Variants in OPLAH observed in about 807,000 individuals in gnomAD.
OPLAH encodes the protein 5-oxoprolinase, ATP-hydrolysing, also known as 5-oxoprolinase.
OPLAH carries 103 observed loss-of-function variants against 122.8 expected under a neutral mutation model. The ratio of observed to expected loss-of-function variants is 0.84; its 90% CI spans 0.71 to 0.99. The LOEUF (loss-of-function observed/expected upper bound fraction) is 0.99, where lower values mean the gene tolerates loss of function less well. Ranked by LOEUF, OPLAH falls within the 50% of genes least tolerant of loss-of-function variation. OPLAH has a pLI of 0.00. For synonymous variants in OPLAH, 875 were observed against 796.0 expected, an observed-to-expected ratio of 1.10 and a Z score of -1.67; for missense variants, 1,902 against 1,836.5, an observed-to-expected ratio of 1.04 and a Z score of -0.65.
chr8:144,053,096 G>A lies in OPLAH; in HGVS notation c.2905C>T (p.Arg969Cys), dbSNP rs201664395. ...GCCTGCCGGGAGGTTCCAAAGGCAC[G>A]CAACATGTCTCGCACGGCCAGCTCA... ...NAELAVRDML[R>C]AFGTSRQARG... Residue 969 changes from arginine (R) to cysteine (C), a missense_variant, in exon 21 of 27, where the codon CGT (arginine) becomes TGT (cysteine). Transcript: ENST00000618853. The A allele has an allele frequency of 1.8e-3, 2,851 of 1,606,318 alleles. 3 individuals carry two copies. The highest frequency in any genetic ancestry group is 2.3e-3 in the Non-Finnish European group (2,690 of 1,177,052).
chr8:144,058,599 C>G lies in OPLAH; in HGVS notation c.680G>C (p.Arg227Pro), dbSNP rs1466686559. 2 of 1,603,028 alleles carry G rather than the reference C, an allele frequency of 1.2e-6. No individual in the cohort carries two copies. The highest frequency in any genetic ancestry group is 2.7e-5 in the African/African-American group (2 of 74,918). Residue 227 changes from arginine to proline, a missense_variant, in exon 6 of 27, where the codon CGC becomes CCC. Physicochemically the swap from Arg to Pro is moderately radical, Grantham distance 103 (BLOSUM62 -2). Transcript: ENST00000618853. The stretch of plus-strand genomic sequence containing the variant: ...GGCCGTGTGCCCCCGAGGGACGATG[C>G]GCACCATGGGCATGGCCTCCGAGGA... ...SLSSEAMPMV[R>P]IVPRGHTACA...
In OPLAH at chr8:144,058,080, C is replaced by T. The variant is rs55916375; in HGVS notation, c.1018G>A (p.Val340Ile). The change falls in exon 8 of 27, where the codon GTC becomes ATC. Residue 340 changes from valine (V) to isoleucine (I), a missense_variant. This residue lies in a region of OPLAH where 1,726 missense variants were observed against 1,642.1 expected (regional missense o/e 1.05). Coordinates refer to ENST00000618853, the MANE Select transcript of OPLAH (RefSeq NM_017570.5). ...EHVFEASTAG[V>I]TLQAPQLDIN... is the part of the protein sequence containing the mutation. ...TCCAGCTGCGGGGCCTGGAGGGTGA[C>T]GCCAGCTGTGCTGGCCTCGAAGACG... 105,745 of 1,612,464 alleles carry T rather than the reference C, an allele frequency of 0.066. 3,801 individuals carry two copies. Among genetic ancestry groups the T allele is most frequent in the Middle Eastern group, 0.087 (528 of 6,062 alleles).
Position 144,057,539 on chromosome 8 carries a change from G to A in OPLAH, c.1331C>T (p.Pro444Leu), listed in dbSNP as rs781841448. Reference protein sequence around the residue: ...VNSFLTNGPCPASPLSLEEVA... With the variant: ...VNSFLTNGPCLASPLSLEEVA... ...CTCCTCCAGGCTCAGCGGGGAGGCC[G>A]GGCAGGGCCCGTTGGTCAGGAAGCT... The change falls in exon 10 of 27, where the codon CCG (proline) becomes CTG (leucine). Residue 444 changes from proline to leucine, a missense_variant. This residue lies in a region of OPLAH where 1,726 missense variants were observed against 1,642.1 expected (regional missense o/e 1.05). Transcript: ENST00000618853. 1.9e-5 allele frequency: 31 copies of A among 1,593,222 alleles called. No homozygotes were observed. Among genetic ancestry groups the A allele is most frequent in the South Asian group, 6.8e-5 (6 of 88,128 alleles).
chr8:144,060,109 G>A (rs1338099550), intron 1 of OPLAH, 24 bp from the exon 2 acceptor site: 9 of 1,487,494 alleles, frequency 6.1e-6, no homozygotes, highest in African/African-American at 2.8e-5. Flanking sequence ...GGGTCAGCCC[G>A]GGCTCACCTG....
In OPLAH at chr8:144,053,037, G is replaced by A. The variant is rs186192116; in HGVS notation, c.2964C>T (p.Asp988=). The A allele has an allele frequency of 2.3e-3, 3,729 of 1,603,344 alleles. 9 individuals are homozygous for A. Among genetic ancestry groups the A allele is most frequent in the South Asian group, 7.0e-3 (623 of 89,462 alleles). Residue 988 remains aspartate, a synonymous_variant, in exon 21 of 27, where the codon GAC becomes GAT. Coordinates refer to ENST00000618853, the MANE Select transcript of OPLAH (RefSeq NM_017570.5). The part of the protein sequence containing the change: ...RGLPLEVSSE[D]HMDDGSPIRL... ...GGATGGGGGAACCGTCGTCCATGTG[G>A]TCTTCCGAGGACACCTCCAGGGGCA... is the stretch of plus-strand genomic sequence containing the variant.
rs782568024 is a variant in OPLAH at position 144,051,482 on chromosome 8, CG to C, written c.3721-11del. 4,269 of 263,156 alleles carry C rather than the reference CG, an allele frequency of 0.016. 8 individuals are homozygous for C. The highest frequency in any genetic ancestry group is 0.018 in the Non-Finnish European group (3,323 of 185,124). 16.3% of individuals were successfully genotyped at this position (263,156 alleles called of 1,614,324 possible). A position where few individuals can be genotyped will look rare whatever the true frequency, so the allele number is the denominator to read the frequency against. ...GGAGACAGAACACATCCTGTTGGCG[CG>C]GGGGGGGGCGGGGAGGCGGGCTCAG... On this transcript the variant is annotated splice_polypyrimidine_tract_variant and intron_variant, in intron 26 of 26. Transcript: ENST00000618853.
At position 144,052,965 on chromosome 8, in the gene OPLAH, A is replaced by T; in HGVS notation, c.3018+18T>A. 6.3e-7 allele frequency: 1 copy of T among 1,587,098 alleles called. No homozygotes were observed. Among genetic ancestry groups the T allele is most frequent in the African/African-American group, 1.3e-5 (1 of 74,224 alleles). The stretch of plus-strand genomic sequence containing the variant: ...CACCGTGCCCCTGCCGCCTAGAGGC[A>T]CTCTCCCCACGGCCCACCTGACTCA... On this transcript the variant is annotated intron_variant, in intron 21 of 26. Transcript: ENST00000618853.
chr8:144,053,034 G>T lies in OPLAH; in HGVS notation c.2967C>A (p.His989Gln). The stretch of plus-strand genomic sequence containing the variant: ...GGCGGATGGGGGAACCGTCGTCCAT[G>T]TGGTCTTCCGAGGACACCTCCAGGG... Reference protein sequence around the residue: ...GLPLEVSSEDHMDDGSPIRLR... With the variant: ...GLPLEVSSEDQMDDGSPIRLR... Residue 989 changes from histidine to glutamine, a missense_variant, in exon 21 of 27, where the codon CAC becomes CAA. His to Gln is a conservative substitution (Grantham distance 24, BLOSUM62 0). Coordinates refer to ENST00000618853, the MANE Select transcript of OPLAH (RefSeq NM_017570.5). The T allele has an allele frequency of 6.2e-7, 1 of 1,603,566 alleles. No homozygotes were observed. Among genetic ancestry groups the T allele is most frequent in the Non-Finnish European group, 8.5e-7 (1 of 1,176,224 alleles).
chr8:144,050,551 AG>A, downstream of OPLAH: 2 of 985,552 alleles, frequency 2.0e-6, no homozygotes, highest in Non-Finnish European at 2.4e-6. Flanking sequence ...CACCGGCTAG[AG>A]CAGGAGCACG....
chr8:144,050,636 G>T, downstream of OPLAH: 1 of 985,506 alleles, frequency 1.0e-6, no homozygotes, highest in South Asian at 4.7e-5. Flanking sequence ...TGGGTATCGC[G>T]CTTGGGGGGA....
Position 144,054,671 on chromosome 8 carries a change from A to C in OPLAH, c.2576T>G (p.Ile859Ser). 1 of 1,612,348 alleles carries C rather than the reference A, an allele frequency of 6.2e-7. No individual in the cohort carries two copies. The highest frequency in any genetic ancestry group is 1.1e-5 in the South Asian group (1 of 91,076). The change falls in exon 19 of 27, where the codon ATC (isoleucine) becomes AGC (serine). Residue 859 changes from isoleucine to serine, a missense_variant. Around this residue, in one of 3 missense-constraint regions of OPLAH, gnomAD observed 1,726 missense variants for 1,642.1 expected, o/e 1.05. Transcript: ENST00000618853. ...YVASRGHHAD[I>S]GGITPGSMPP... is the part of the protein sequence containing the mutation. The stretch of plus-strand genomic sequence containing the variant: ...CATGGAGCCTGGTGTGATGCCCCCG[A>C]TGTCTGCGTGGTGCCCTCGGCTGGC...
Position 144,051,795 on chromosome 8 carries a change from C to G in OPLAH, c.3654G>C (p.Leu1218=). 6.3e-7 allele frequency: 1 copy of G among 1,597,298 alleles called. No individual in the cohort carries two copies. The highest frequency in any genetic ancestry group is 1.7e-4 in the Middle Eastern group (1 of 5,960). Residue 1218 remains leucine (L), a synonymous_variant, in exon 26 of 27, where the codon CTG becomes CTC. Transcript: ENST00000618853. ...CCGTCCGGCCGTTTTTGCGGATCAG[C>G]AGGTTTAGGCCGCGGGCGCCAGGCT... ...GGEPGARGLN[L]LIRKNGRTVN...
In OPLAH at chr8:144,052,611, G is replaced by A. The variant is rs782243755; in HGVS notation, c.3154-13C>T. The A allele has an allele frequency of 3.8e-6, 6 of 1,584,890 alleles. No homozygotes were observed. In the African/African-American group the frequency reaches 8.1e-5, roughly 21 times the overall value. On this transcript the variant is annotated splice_polypyrimidine_tract_variant and intron_variant, in intron 22 of 26. Coordinates refer to ENST00000618853, the MANE Select transcript of OPLAH (RefSeq NM_017570.5). ...GCGCCAGGCAGCCCTGTGCGGGGCG[G>A]GCGGCTCTCAGGAGCTCTTGGGGTG...
At chr8:144,060,792 T>A (rs1835649403), upstream of OPLAH, 1 of 151,866 alleles carries the variant, frequency 6.6e-6, no homozygotes, top group Non-Finnish European at 1.5e-5. Flanking sequence ...CGCGGTTACA[T>A]CAGGCCGGGC....
At position 144,055,109 on chromosome 8, in the gene OPLAH, C is replaced by T. The variant is rs782278822; in HGVS notation, c.2329G>A (p.Gly777Arg). ...ERLDFSCALF[G>R]PDGGLVSNAP... ...TTGGACACCAGCCCCCCATCGGGCC[C>T]AAAGAGGGCACAGGAGAAGTCCAGA... Residue 777 changes from glycine to arginine, a missense_variant, in exon 17 of 27, where the codon GGG becomes AGG. Around this residue, in one of 3 missense-constraint regions of OPLAH, gnomAD observed 1,726 missense variants for 1,642.1 expected, o/e 1.05. Transcript: ENST00000618853. The surrounding 1 kb of genome is among the most constrained non-coding windows in gnomAD (Gnocchi z 6.5). 1.9e-6 allele frequency: 3 copies of T among 1,585,636 alleles called. No individual in the cohort carries two copies. Among genetic ancestry groups the T allele is most frequent in the Non-Finnish European group, 2.6e-6 (3 of 1,166,440 alleles).
chr8:144,058,535 G>T lies in OPLAH; in HGVS notation c.744C>A (p.Tyr248Ter), dbSNP rs782350791. ...GGAAGCCACGGCAGAAGCCCTGCACGTAGCGCTGGATGGCGGGCGTGAGGT... is the reference window on the plus strand; with the variant it reads ...GGAAGCCACGGCAGAAGCCCTGCACTTAGCGCTGGATGGCGGGCGTGAGGT... ...DAYLTPAIQR[Y>*]VQGFCRGFQG... The change falls in exon 6 of 27, where the codon TAC (tyrosine) becomes TAA (stop). Residue 248 changes from tyrosine to a stop codon, truncating the protein, a stop_gained. Coordinates refer to ENST00000618853, the MANE Select transcript of OPLAH (RefSeq NM_017570.5). LOFTEE classifies it high-confidence loss of function. 1.3e-6 allele frequency: 2 copies of T among 1,597,048 alleles called. No individual in the cohort carries two copies. The highest frequency in any genetic ancestry group is 1.7e-6 in the Non-Finnish European group (2 of 1,176,950).
chr8:144,056,647 C>G lies in OPLAH; in HGVS notation c.1815G>C (p.Ala605=), dbSNP rs555897838. 2 of 1,612,094 alleles carry G rather than the reference C, an allele frequency of 1.2e-6. No homozygotes were observed. The highest frequency in any genetic ancestry group is 4.5e-5 in the East Asian group (2 of 44,872). Residue 605 remains alanine (A), a synonymous_variant, in exon 13 of 27, where the codon GCG becomes GCC. Coordinates refer to ENST00000618853, the MANE Select transcript of OPLAH (RefSeq NM_017570.5). ...QHPATARSPR[A]GDFGAAFVER... is the part of the protein sequence containing the mutation. Reference sequence around the variant, plus strand: ...CCACAAAGGCTGCCCCGAAGTCCCCCGCACGGGGCGAGCGGGCTGTGGCTG... The same window carrying G: ...CCACAAAGGCTGCCCCGAAGTCCCCGGCACGGGGCGAGCGGGCTGTGGCTG...
intron 3 of OPLAH, 36 bp downstream of exon 3, chr8:144,059,563 C>A: frequency 6.3e-7 from 1 of 1,575,236 alleles, no homozygotes; most frequent in South Asian, 1.2e-5. Context: ...GGGGTGTACA[C>A]CACACAGCCT....
At chr8:144,051,660 T>TC in intron 26 of OPLAH, 69 bp downstream of exon 26, 1 of 1,102,870 alleles carries the variant, frequency 9.1e-7, no homozygotes, top group Non-Finnish European at 1.2e-6. Flanking sequence ...CTGCAACTGT[T>TC]CCCCCTCTGT....
Sources: gnomAD v4.1 joint callset for allele counts on GRCh38, gnomAD v4.1.1 for gene constraint, gnomAD v4.1.1 regional missense constraint, Gnocchi (gnomAD v3.1) non-coding constraint, MANE v1.5 for transcripts, NCBI Gene and HGNC (gene_info 2026-07-23, HGNC 2026-07-21) for gene names.